Variants in IFNAR1 observed in about 807,000 individuals in gnomAD.
The protein encoded by IFNAR1 is interferon alpha and beta receptor subunit 1.
IFNAR1 carries 47 observed loss-of-function variants against 62.1 expected under a neutral mutation model. The observed-to-expected ratio is 0.76, with a 90% CI of 0.60 to 0.97. The LOEUF (loss-of-function observed/expected upper bound fraction) is 0.97, where lower values mean the gene tolerates loss of function less well. Among genes scored for constraint, IFNAR1 ranks in the 50% least tolerant of loss-of-function variants. The probability of loss-of-function intolerance (pLI) is 0.00; values close to 1 mark genes in which losing one functional copy is unlikely to be tolerated. For synonymous variants in IFNAR1, 219 were observed against 226.9 expected, an observed-to-expected ratio of 0.97 and a Z score of 0.31; for missense variants, 638 against 654.5, an observed-to-expected ratio of 0.97 and a Z score of 0.27.
At chr21:33,345,887 G>C (rs1001167486) in intron 6 of IFNAR1, among the ~76,000 whole-genome samples, 1 of 152,256 alleles carries the variant, frequency 6.6e-6, no homozygotes, top group Non-Finnish European at 1.5e-5. Flanking sequence ...TTGAGCAGAG[G>C]CTAGCTAAAC....
Position 33,324,973 on chromosome 21 carries a change from G to T in IFNAR1, c.-83G>T, listed in dbSNP as rs2083109781. The T allele has an allele frequency of 1.6e-6, 2 of 1,286,412 alleles. No homozygotes were observed. 79.7% of individuals were successfully genotyped at this position (1,286,412 alleles called of 1,614,324 possible). A position where few individuals can be genotyped will look rare whatever the true frequency, so the allele number is the denominator to read the frequency against. On this transcript the variant is annotated 5_prime_UTR_variant, in exon 1 of 11. Coordinates refer to ENST00000270139, the MANE Select transcript of IFNAR1 (RefSeq NM_000629.3). The stretch of plus-strand genomic sequence containing the variant: ...GGCAGCGCGTGTGCAGAGGGGCGGT[G>T]TGACTTAGGACGGGGCGATGGCGGC...
chr21:33,332,928 C>G (rs2083195789), intron 1 of IFNAR1, among the ~76,000 whole-genome samples: 1 of 152,130 alleles, frequency 6.6e-6, no homozygotes, highest in South Asian at 2.1e-4. Flanking sequence ...GAGGCATATA[C>G]AAACTATTTA....
Position 33,341,232 on chromosome 21 carries a change from A to G in IFNAR1, c.376+58A>G, listed in dbSNP as rs2083290410. On this transcript the variant is annotated intron_variant, in intron 3 of 10. Coordinates refer to ENST00000270139, the MANE Select transcript of IFNAR1 (RefSeq NM_000629.3). ...TTAGTAAATATTACCAGAGCAGTTC[A>G]CTTTCCAAGCCATTCATTTGCATGA... 5 of 1,345,574 alleles carry G rather than the reference A, an allele frequency of 3.7e-6. No individual in the cohort carries two copies. The East Asian group carries it at 1.2e-4, about 31-fold the overall frequency. The allele number at this position is 1,345,574 out of a possible 1,614,324, so 83.4% of individuals were successfully genotyped here.
upstream of IFNAR1, chr21:33,324,954 G>A: frequency 1.0e-6 from 1 of 984,016 alleles, no homozygotes; most frequent in South Asian, 1.5e-5. Flanking sequence ...GAGGGGCAGC[G>A]CGTGTGCAGA....
In IFNAR1 at chr21:33,343,557, C is replaced by A; in HGVS notation, c.554C>A (p.Ser185Tyr). The change falls in exon 5 of 11, where the codon TCC becomes TAC. Residue 185 changes from serine (S) to tyrosine (Y), a missense_variant. By Grantham distance (144) the Ser-to-Tyr change is moderately radical. Coordinates refer to ENST00000270139, the MANE Select transcript of IFNAR1 (RefSeq NM_000629.3). ...GVEERIENIYSRHKIYKLSPE... is the reference protein window; with the variant it reads ...GVEERIENIYYRHKIYKLSPE... Reference sequence around the variant, plus strand: ...TAGGAAAGGATTGAAAATATTTATTCCAGACATAAAATTTATAAACTCTCA... The same window carrying A: ...TAGGAAAGGATTGAAAATATTTATTACAGACATAAAATTTATAAACTCTCA... The A allele has an allele frequency of 6.5e-7, 1 of 1,546,418 alleles. No homozygotes were observed. Among genetic ancestry groups the A allele is most frequent in the Non-Finnish European group, 8.9e-7 (1 of 1,121,108 alleles).
At chr21:33,324,892 G>GGTGTGTGTGT (rs36158718), upstream of IFNAR1, 5,587 of 571,426 alleles carry the variant, frequency 9.8e-3, 46 homozygotes, top group African/African-American at 0.029. Context: ...GCGGAGGGGC[G>GGTGTGTGTGT]GTGTGTGTGT....
chr21:33,328,230 A>G (rs968108374), intron 1 of IFNAR1, among the ~76,000 whole-genome samples: 27 of 152,170 alleles, frequency 1.8e-4, no homozygotes, highest in African/African-American at 6.5e-4. Context: ...AAGAGTGGAC[A>G]CCCTTGATGC....
At chr21:33,332,527 A>G (rs17875784) in intron 1 of IFNAR1, among the ~76,000 whole-genome samples, 2,500 of 152,324 alleles carry the variant, frequency 0.016, 80 homozygotes, top group African/African-American at 0.058. Context: ...TGGTGGCCCA[A>G]TGAAAAGAAG....
In IFNAR1 at chr21:33,356,903, CTT is replaced by C. The variant is rs1447844700; in HGVS notation, c.*1356_*1357del. ...CTCTTGTTATGGGTGGTCTCTGTCA[CTT>C]TGAATGCCAGGCTGGCTTCTCGTCT... On this transcript the variant is annotated 3_prime_UTR_variant, in exon 11 of 11. Coordinates refer to ENST00000270139, the MANE Select transcript of IFNAR1 (RefSeq NM_000629.3). 1 of 152,216 alleles carries C rather than the reference CTT, an allele frequency of 6.6e-6. No homozygotes were observed. Among genetic ancestry groups the C allele is most frequent in the Non-Finnish European group, 1.5e-5 (1 of 68,042 alleles). The allele number at this position is 152,216 out of a possible 1,614,324, so 9.4% of individuals were successfully genotyped here.
intron 1 of IFNAR1, among the ~76,000 whole-genome samples, chr21:33,333,773 G>A (rs572037368): frequency 6.6e-6 from 1 of 151,770 alleles, no homozygotes; most frequent in African/African-American, 2.4e-5. Context: ...ACAGGCGCCC[G>A]CTACCACGCC....
At chr21:33,353,961 A>G (rs1368213582) in intron 10 of IFNAR1, among the ~76,000 whole-genome samples, 178 bp downstream of exon 10, 1 of 152,232 alleles carries the variant, frequency 6.6e-6, no homozygotes, top group Non-Finnish European at 1.5e-5. Flanking sequence ...ATGTAATAAC[A>G]TAGCATGAGA....
At chr21:33,325,554 C>T (rs1214461657) in intron 1 of IFNAR1, among the ~76,000 whole-genome samples, 1 of 152,198 alleles carries the variant, frequency 6.6e-6, no homozygotes, top group African/African-American at 2.4e-5. Context: ...CAGGATTTCT[C>T]TGCCCTCAGG....
chr21:33,337,074 T>G (rs1216998000), intron 2 of IFNAR1, among the ~76,000 whole-genome samples: 3 of 151,918 alleles, frequency 2.0e-5, no homozygotes, highest in Non-Finnish European at 4.4e-5. Context: ...AAATATATTG[T>G]TAACTGGGCA....
chr21:33,342,513 A>G (rs1211636547), intron 3 of IFNAR1, among the ~76,000 whole-genome samples: 1 of 152,030 alleles, frequency 6.6e-6, no homozygotes, highest in Non-Finnish European at 1.5e-5. Flanking sequence ...ATTCCCTGTC[A>G]GCCCTCTCCA....
intron 1 of IFNAR1, among the ~76,000 whole-genome samples, chr21:33,331,660 C>T (rs1420035565): frequency 2.0e-5 from 3 of 152,178 alleles, no homozygotes; most frequent in African/African-American, 7.2e-5. Flanking sequence ...GCTGCTGCTA[C>T]ACTTGGCCTC....
rs1045328838 is a variant in IFNAR1, at chr21:33,334,906, A to C, written c.77-618A>C. 1.0e-5 allele frequency: 15 copies of C among 1,501,482 alleles called. No individual in the cohort carries two copies. The Admixed American group carries it at 2.5e-4, about 25-fold the overall frequency. The allele number at this position is 1,501,482 out of a possible 1,614,324, so 93.0% of individuals were successfully genotyped here. ...CTGCTGAGATACACTATACTTTCCC[A>C]CCCCTGCAGTGGGAGATGGGGCAGG... On this transcript the variant is annotated intron_variant, in intron 1 of 10. Transcript: ENST00000270139.
At chr21:33,349,366 A>C in intron 7 of IFNAR1, 23 bp from the exon 8 acceptor site, 1 of 1,577,102 alleles carries the variant, frequency 6.3e-7, no homozygotes, top group Non-Finnish European at 8.6e-7. Flanking sequence ...ATTGAACATT[A>C]TTTCTTTACA....
upstream of IFNAR1, chr21:33,324,611 G>T (rs534815855): frequency 2.1e-4 from 33 of 160,714 alleles, no homozygotes; most frequent in African/African-American, 7.6e-4. Context: ...AGAGACGCGG[G>T]AACTCCAAAG....
At chr21:33,345,602 C>T (rs2083338290) in intron 6 of IFNAR1, among the ~76,000 whole-genome samples, 1 of 152,070 alleles carries the variant, frequency 6.6e-6, no homozygotes, top group Admixed American at 6.6e-5. Context: ...TAGATGGATT[C>T]TAATATCTGG....
Sources: gnomAD v4.1 joint callset for allele counts (sites outside exome capture counted in the v4.1 genomes callset) on GRCh38, gnomAD v4.1.1 for gene constraint, MANE v1.5 for transcripts, NCBI Gene and HGNC (gene_info 2026-07-23, HGNC 2026-07-21) for gene names.